Variants in ORC6 observed in about 807,000 individuals in gnomAD.
ORC6 encodes origin recognition complex subunit 6.
ORC6 carries 31 observed loss-of-function variants against 30.0 expected under a neutral mutation model. The ratio of observed to expected loss-of-function variants is 1.03; its 90% CI spans 0.78 to 1.40. The LOEUF (loss-of-function observed/expected upper bound fraction) is 1.40, where lower values mean the gene tolerates loss of function less well. Among genes scored for constraint, ORC6 ranks in the 40% most tolerant of loss-of-function variants. ORC6 has a pLI of 0.00. For missense variants in ORC6, 340 were observed against 304.3 expected (o/e 1.12, Z -0.87); for synonymous variants, 136 against 111.2 (o/e 1.22, Z -1.40).
intron 2 of ORC6, 48 bp from the exon 3 acceptor site, chr16:46,692,334 T>C (rs1451035568): frequency 4.0e-6 from 6 of 1,502,104 alleles, no homozygotes; most frequent in Non-Finnish European, 5.5e-6. Flanking sequence ...TACTAATATA[T>C]AGAACTTAAG....
intron 1 of ORC6, among the ~76,000 whole-genome samples, chr16:46,690,149 G>A (rs970141495): frequency 5.9e-5 from 9 of 152,230 alleles, no homozygotes. Flanking sequence ...ACCTTAACCG[G>A]GCAATGCTCC....
chr16:46,689,878 G>C (rs1238397806), intron 1 of ORC6, 108 bp downstream of exon 1: 26 of 1,436,114 alleles, frequency 1.8e-5, no homozygotes, highest in South Asian at 7.2e-5. Context: ...GAGTGACGGG[G>C]AGCGCTGGGG....
Position 46,691,251 on chromosome 16 carries a change from G to A in ORC6, c.195+131G>A. On this transcript the variant is annotated intron_variant, in intron 2 of 6. Coordinates refer to ENST00000219097, the MANE Select transcript of ORC6 (RefSeq NM_014321.4). Reference sequence around the variant, plus strand: ...CTGGGTATTCTTGTGTGTTATTCTGGAAATACTGTAGAATCATTTTGCATT... The same window carrying A: ...CTGGGTATTCTTGTGTGTTATTCTGAAAATACTGTAGAATCATTTTGCATT... 3 of 873,920 alleles carry A rather than the reference G, an allele frequency of 3.4e-6. No homozygotes were observed. The South Asian group carries it at 4.2e-5, about 12-fold the overall frequency. 54.1% of individuals were successfully genotyped at this position (873,920 alleles called of 1,614,324 possible).
intron 4 of ORC6, chr16:46,694,571 A>ACCTCCCTCCCGGACGGGGCG (rs1966496829): frequency 8.6e-6 from 1 of 116,286 alleles, no homozygotes; most frequent in African/African-American, 3.3e-5. Context: ...CGGACGGGGC[A>ACCTCCCTCCCGGACGGGGCG]GCTGGCCGGG....
intron 2 of ORC6, among the ~76,000 whole-genome samples, chr16:46,691,932 G>GCACACACACACACACACACACA (rs34549741): frequency 1.5e-4 from 9 of 59,270 alleles, no homozygotes; most frequent in Non-Finnish European, 1.6e-4. Context: ...TTTCTCTCCT[G>GCACACACACACACACACACACA]CACACACACA....
chr16:46,697,520 T>A lies in ORC6; in HGVS notation c.694T>A (p.Tyr232Asn). 1 of 1,613,772 alleles carries A rather than the reference T, an allele frequency of 6.2e-7. No individual in the cohort carries two copies. Among genetic ancestry groups the A allele is most frequent in the Non-Finnish European group, 8.5e-7 (1 of 1,179,682 alleles). ...PQKDEDLTQD[Y>N]EEWKRKILEN... ...GAAAGATGAAGATCTGACACAGGATTATGAAGAATGGAAAAGAAAAATTTT... is the reference window on the plus strand; with the variant it reads ...GAAAGATGAAGATCTGACACAGGATAATGAAGAATGGAAAAGAAAAATTTT... The change falls in exon 7 of 7, where the codon TAT becomes AAT. Residue 232 changes from tyrosine (Y) to asparagine (N), a missense_variant. Coordinates refer to ENST00000219097, the MANE Select transcript of ORC6 (RefSeq NM_014321.4).
Position 46,698,206 on chromosome 16 carries a change from T to TAGATAGATAGATAGATAGAC in ORC6, c.*630_*631insGATAGATAGACAGATAGATA. Reference sequence around the variant, plus strand: ...ATGGATAGATAGATAGATAGATAGATAGATAGATAAACGGAATTGGAGCCA... The same window carrying TAGATAGATAGATAGATAGAC: ...ATGGATAGATAGATAGATAGATAGATAGATAGATAGATAGATAGACAGATAGATAAACGGAATTGGAGCCA... On this transcript the variant is annotated 3_prime_UTR_variant, in exon 7 of 7. Transcript: ENST00000219097. 1 of 455,164 alleles carries TAGATAGATAGATAGATAGAC rather than the reference T, an allele frequency of 2.2e-6. No individual in the cohort carries two copies. The highest frequency in any genetic ancestry group is 1.6e-5 in the South Asian group (1 of 64,406). The allele number at this position is 455,164 out of a possible 1,614,324, so 28.2% of individuals were successfully genotyped here.
chr16:46,695,612 TA>T lies in ORC6; in HGVS notation c.507del (p.Ala170LeufsTer10), dbSNP rs35441257. Reference sequence around the variant, plus strand: ...AACAAAATGGTAGCCACATCCGGTGTAAAAAAAGCTATATTTGATCGACTGT... The same window carrying T: ...AACAAAATGGTAGCCACATCCGGTGTAAAAAAGCTATATTTGATCGACTGT... ...DKNKMVATSG[V>X]KKAIFDRLCK... On this transcript the variant is annotated frameshift_variant, in exon 5 of 7. Transcript: ENST00000219097. LOFTEE classifies it high-confidence loss of function. 28 of 1,613,796 alleles carry T rather than the reference TA, an allele frequency of 1.7e-5. No individual in the cohort carries two copies. Among genetic ancestry groups the T allele is most frequent in the Non-Finnish European group, 2.4e-5 (28 of 1,179,750 alleles).
chr16:46,689,744 G>A lies in ORC6; in HGVS notation c.39G>A (p.Leu13=), dbSNP rs150439737. 4.4e-6 allele frequency: 7 copies of A among 1,600,654 alleles called. No individual in the cohort carries two copies. Among genetic ancestry groups the A allele is most frequent in the Non-Finnish European group, 6.0e-6 (7 of 1,174,122 alleles). ...SELIGRLAPR[L]GLAEPDMLRK... Reference sequence around the variant, plus strand: ...TGATCGGGCGCCTAGCCCCGCGCCTGGGCCTCGCCGAGCCCGACATGCTGA... The same window carrying A: ...TGATCGGGCGCCTAGCCCCGCGCCTAGGCCTCGCCGAGCCCGACATGCTGA... Residue 13 remains leucine, a synonymous_variant, in exon 1 of 7, where the codon CTG becomes CTA. Coordinates refer to ENST00000219097, the MANE Select transcript of ORC6 (RefSeq NM_014321.4).
At chr16:46,691,682 G>A (rs1248200761) in intron 2 of ORC6, among the ~76,000 whole-genome samples, 1 of 152,140 alleles carries the variant, frequency 6.6e-6, no homozygotes, top group Non-Finnish European at 1.5e-5. Context: ...AAACTCTCCA[G>A]CCTCTCTTGA....
Position 46,693,194 on chromosome 16 carries a change from A to G in ORC6, c.449+12A>G, listed in dbSNP as rs1966469334. Reference sequence around the variant, plus strand: ...CTTTCAGCATGCAAGTAGGTATTTCATTAAACATTCAGAAAAGTTACCAAT... The same window carrying G: ...CTTTCAGCATGCAAGTAGGTATTTCGTTAAACATTCAGAAAAGTTACCAAT... On this transcript the variant is annotated intron_variant, in intron 4 of 6. Coordinates refer to ENST00000219097, the MANE Select transcript of ORC6 (RefSeq NM_014321.4). 2 of 1,578,824 alleles carry G rather than the reference A, an allele frequency of 1.3e-6. No homozygotes were observed. The highest frequency in any genetic ancestry group is 2.2e-5 in the East Asian group (1 of 44,720).
rs771044771 is a variant in ORC6 at position 46,698,102 on chromosome 16, G to A, written c.*517G>A. The A allele has an allele frequency of 4.8e-5, 21 of 433,734 alleles. No individual in the cohort carries two copies. The highest frequency in any genetic ancestry group is 1.9e-4 in the South Asian group (12 of 62,424). 26.9% of individuals were successfully genotyped at this position (433,734 alleles called of 1,614,324 possible). On this transcript the variant is annotated 3_prime_UTR_variant, in exon 7 of 7. Transcript: ENST00000219097. The stretch of plus-strand genomic sequence containing the variant: ...CGCACTCCAGCCTGGGTGACAGAGC[G>A]AGACTTATCTCATAAATAAATAGAT...
rs555671537 is a variant in ORC6, at chr16:46,689,862, G to T, written c.65+92G>T. 8.3e-4 allele frequency: 1,202 copies of T among 1,453,506 alleles called. 8 individuals carry two copies. In the African/African-American group the frequency reaches 0.013, roughly 15 times the overall value. The allele number at this position is 1,453,506 out of a possible 1,614,324, so 90.0% of individuals were successfully genotyped here. On this transcript the variant is annotated intron_variant, in intron 1 of 6. Coordinates refer to ENST00000219097, the MANE Select transcript of ORC6 (RefSeq NM_014321.4). ...CCGCGCCCTTCCCAGGCGACGGGCGGCGGGGGAGTGACGGGGAGCGCTGGG... is the reference window on the plus strand; with the variant it reads ...CCGCGCCCTTCCCAGGCGACGGGCGTCGGGGGAGTGACGGGGAGCGCTGGG...
At chr16:46,691,956 A>ACTCTCTCTCTCTCTCT (rs779757463) in intron 2 of ORC6, among the ~76,000 whole-genome samples, 3 of 4,848 alleles carry the variant, frequency 6.2e-4, no homozygotes, top group Non-Finnish European at 2.0e-3. Context: ...ACACACACAC[A>ACTCTCTCTCTCTCTCT]CACTCTCTCT....
At chr16:46,695,911 C>A in intron 5 of ORC6, 106 bp from the exon 6 acceptor site, 1 of 862,332 alleles carries the variant, frequency 1.2e-6, no homozygotes, top group Admixed American at 1.9e-5. Flanking sequence ...CTCTTCTCCT[C>A]ATATTTGATC....
At chr16:46,694,532 G>A (rs2143010865) in intron 4 of ORC6, 1 of 143,210 alleles carries the variant, frequency 7.0e-6, no homozygotes, top group Middle Eastern at 3.7e-3. Flanking sequence ...GGCTGGCCGG[G>A]CGGGGGGCTG....
chr16:46,696,035 C>A lies in ORC6; in HGVS notation c.581C>A (p.Ala194Asp). The change falls in exon 6 of 7, where the codon GCT becomes GAT. Residue 194 changes from alanine (A) to aspartate (D), a missense_variant. Physicochemically the swap from Ala to Asp is moderately radical, Grantham distance 126. Transcript: ENST00000219097. ...CTTAAAGGAGAACCTGGAGATGTAG[C>A]TACTCCACCACGGAAGAGAAAGAAG... ...QQVDREPGDV[A>D]TPPRKRKKIV... The A allele has an allele frequency of 6.2e-7, 1 of 1,612,936 alleles. No homozygotes were observed. Among genetic ancestry groups the A allele is most frequent in the Non-Finnish European group, 8.5e-7 (1 of 1,178,878 alleles).
At position 46,697,756 on chromosome 16, in the gene ORC6, C is replaced by T. The variant is rs1966534638; in HGVS notation, c.*171C>T. The T allele has an allele frequency of 2.7e-6, 2 of 741,776 alleles. No homozygotes were observed. The highest frequency in any genetic ancestry group is 1.7e-5 in the African/African-American group (1 of 57,874). 45.9% of individuals were successfully genotyped at this position (741,776 alleles called of 1,614,324 possible). A position where few individuals can be genotyped will look rare whatever the true frequency, so the allele number is the denominator to read the frequency against. On this transcript the variant is annotated 3_prime_UTR_variant, in exon 7 of 7. Coordinates refer to ENST00000219097, the MANE Select transcript of ORC6 (RefSeq NM_014321.4). ...GGCTAAGTCTGGGCAGTGGGCTGGC[C>T]CCTGGTGTGAGCATTAGACCAGCCA...
chr16:46,697,442 GATA>G lies in ORC6; in HGVS notation c.632-13_632-11del. 1 of 1,607,948 alleles carries G rather than the reference GATA, an allele frequency of 6.2e-7. No individual in the cohort carries two copies. The highest frequency in any genetic ancestry group is 2.2e-5 in the East Asian group (1 of 44,834). On this transcript the variant is annotated splice_polypyrimidine_tract_variant and intron_variant, in intron 6 of 6. Transcript: ENST00000219097. The stretch of plus-strand genomic sequence containing the variant: ...AGCTAAGAATTTTGAAATTGCTTTT[GATA>G]ATTTTCTGTCAGAAATGGAGAAGGT...
Sources: allele counts gnomAD v4.1 joint callset (sites outside exome capture counted in the v4.1 genomes callset), GRCh38; gene constraint gnomAD v4.1.1; transcripts MANE v1.5; gene names NCBI Gene and HGNC (gene_info 2026-07-23, HGNC 2026-07-21).